The following MORN1 variants were observed in gnomAD, a reference collection of about 807,000 sequenced individuals.
MORN1 encodes the protein MORN repeat-containing protein 1.
MORN1 carries 67 observed loss-of-function variants against 61.9 expected under a neutral mutation model. The observed-to-expected ratio is 1.08, with a 90% confidence interval of 0.89 to 1.33. The LOEUF is 1.33. Ranked by LOEUF, MORN1 falls within the 40% of genes most tolerant of loss-of-function variation. MORN1 has a pLI of 0.00. For synonymous variants in MORN1, 301 were observed against 292.0 expected, an observed-to-expected ratio of 1.03 and a Z score of -0.31; for missense variants, 752 against 691.2, an observed-to-expected ratio of 1.09 and a Z score of -0.99.
At chr1:2,339,036 G>T (rs960904948) in intron 10 of MORN1, among the ~76,000 whole-genome samples, 1 of 152,166 alleles carries the variant, frequency 6.6e-6, no homozygotes, top group Non-Finnish European at 1.5e-5. Context: ...GGTTTGACAC[G>T]TGGGGTCCCC....
chr1:2,334,618 G>A lies in MORN1; in HGVS notation c.1250+1851C>T, dbSNP rs1641227217. Among the ~76,000 whole-genome samples, 1 of 152,192 alleles carries A rather than the reference G, an allele frequency of 6.6e-6. No homozygotes were observed. Among genetic ancestry groups the A allele is most frequent in the Admixed American group, 6.5e-5 (1 of 15,286 alleles). On this transcript the variant is annotated intron_variant, in intron 12 of 13. Transcript: ENST00000378531. This position sits in a 1 kb window ranked among gnomAD's most constrained non-coding sequence, Gnocchi z 5.4. ...GCCGTGGAGCCGGCAGGAGGCAGGG[G>A]AAGTGGCCGCTGGTCACAGATGTGT...
intron 10 of MORN1, among the ~76,000 whole-genome samples, chr1:2,342,791 G>A (rs1426136430): frequency 2.0e-5 from 3 of 151,824 alleles, no homozygotes; most frequent in Non-Finnish European, 4.4e-5. Context: ...ACCGAGAAGG[G>A]ACCTGGGCTG....
intron 13 of MORN1, chr1:2,323,313 CT>C: frequency 2.0e-6 from 2 of 985,430 alleles, no homozygotes; most frequent in Non-Finnish European, 2.4e-6. Flanking sequence ...CCAGAGGCAG[CT>C]CCACGGTGGC....
At position 2,387,405 on chromosome 1, in the gene MORN1, T is replaced by C; in HGVS notation, c.358+14A>G. ...GCCCACCCTCACAGCACCCGGCTCC[T>C]GTGGGCGCCAGACCTTCCCGCATGC... On this transcript the variant is annotated intron_variant, in intron 4 of 13. Coordinates refer to ENST00000378531, the MANE Select transcript of MORN1 (RefSeq NM_024848.3). The C allele has an allele frequency of 1.3e-6, 2 of 1,599,412 alleles. No individual in the cohort carries two copies. Among genetic ancestry groups the C allele is most frequent in the Non-Finnish European group, 1.7e-6 (2 of 1,168,174 alleles).
At chr1:2,342,558 G>A (rs1641417375) in intron 10 of MORN1, among the ~76,000 whole-genome samples, 1 of 152,192 alleles carries the variant, frequency 6.6e-6, no homozygotes. Flanking sequence ...GGAGAAGTCA[G>A]CGGGAACACG....
At chr1:2,343,061 A>T (rs1056626284) in intron 10 of MORN1, among the ~76,000 whole-genome samples, 6 of 151,858 alleles carry the variant, frequency 4.0e-5, no homozygotes, top group Non-Finnish European at 7.4e-5. Flanking sequence ...AGGCATAGAA[A>T]ATGCGCTTGA....
chr1:2,358,696 C>T lies in MORN1; in HGVS notation c.765G>A (p.Leu255=). Reference sequence around the variant, plus strand: ...CGTATCTGACGCCCGCTGAGATCTGCAGGACCCGGCCGCTCTCGCCTTCCA... The same window carrying T: ...CGTATCTGACGCCCGCTGAGATCTGTAGGACCCGGCCGCTCTCGCCTTCCA... ...EIAKSESGRV[L]QISAGVRYVQ... is the part of the protein sequence containing the mutation. The change falls in exon 9 of 14, where the codon CTG becomes CTA. Residue 255 remains leucine (L), a synonymous_variant. Transcript: ENST00000378531. 1 of 1,612,754 alleles carries T rather than the reference C, an allele frequency of 6.2e-7. No homozygotes were observed. The highest frequency in any genetic ancestry group is 8.5e-7 in the Non-Finnish European group (1 of 1,179,364).
At chr1:2,374,649 G>A in intron 6 of MORN1, 92 bp from the exon 7 acceptor site, 3 of 1,118,192 alleles carry the variant, frequency 2.7e-6, no homozygotes, top group Non-Finnish European at 3.9e-6. Flanking sequence ...TGCTACAGCA[G>A]GGCCCCAGGA....
intron 10 of MORN1, 138 bp from the exon 11 acceptor site, chr1:2,336,988 G>A (rs1557871267): frequency 9.6e-7 from 1 of 1,038,514 alleles, no homozygotes; most frequent in Non-Finnish European, 1.3e-6. Context: ...CTTGGTGGGG[G>A]CAGGTCAGGG....
chr1:2,324,166 C>G, intron 12 of MORN1, 23 bp from the exon 13 acceptor site: 2 of 1,586,312 alleles, frequency 1.3e-6, no homozygotes, highest in Non-Finnish European at 1.7e-6. Context: ...CACAGTGAGG[C>G]CCCTGAATGC....
At chr1:2,374,593 C>A in intron 6 of MORN1, 36 bp from the exon 7 acceptor site, 1 of 1,551,716 alleles carries the variant, frequency 6.4e-7, no homozygotes, top group Non-Finnish European at 8.7e-7. Context: ...GCTGGTGGCT[C>A]CCAAGGGGCT....
intron 8 of MORN1, chr1:2,371,168 C>G (rs1430818526): frequency 2.6e-5 from 4 of 152,194 alleles, no homozygotes; most frequent in East Asian, 1.9e-4. Context: ...GAGATCGTGC[C>G]ACCGCACTCC....
chr1:2,369,385 C>T (rs532115856), intron 8 of MORN1, among the ~76,000 whole-genome samples: 2 of 145,788 alleles, frequency 1.4e-5, no homozygotes, highest in African/African-American at 5.0e-5. Flanking sequence ...AGAAGACAGA[C>T]AATAGCAAGT....
At chr1:2,373,658 C>T (rs1005692361) in intron 7 of MORN1, among the ~76,000 whole-genome samples, 5 of 152,216 alleles carry the variant, frequency 3.3e-5, no homozygotes. Context: ...GGATCCCCTG[C>T]AGGGTGCACT....
At chr1:2,324,251 C>G (rs1261554147) in intron 12 of MORN1, 108 bp from the exon 13 acceptor site, 3 of 1,205,834 alleles carry the variant, frequency 2.5e-6, no homozygotes, top group Non-Finnish European at 2.3e-6. Context: ...TTCAGGGCCC[C>G]AGCACAGCAG....
chr1:2,346,719 A>AC (rs1052591570), intron 10 of MORN1, among the ~76,000 whole-genome samples: 5 of 151,972 alleles, frequency 3.3e-5, no homozygotes, highest in African/African-American at 1.2e-4. Flanking sequence ...ACAAAAAAGC[A>AC]CCCCCTTCTC....
Position 2,337,160 on chromosome 1 carries a change from C to G in MORN1, c.1037-310G>C, listed in dbSNP as rs370487027. Among the ~76,000 whole-genome samples the G allele has an allele frequency of 6.6e-6, 1 of 152,164 alleles. No homozygotes were observed. The highest frequency in any genetic ancestry group is 1.5e-5 in the Non-Finnish European group (1 of 68,020). ...GGAAGGGTCTCCCATCAGCAGCCCC[C>G]GTCAGCCGAGGCACTCGCTTCCAGG... On this transcript the variant is annotated intron_variant, in intron 10 of 13. Transcript: ENST00000378531. The surrounding 1 kb of genome is among the most constrained non-coding windows in gnomAD (Gnocchi z 5.7).
intron 6 of MORN1, among the ~76,000 whole-genome samples, chr1:2,383,857 G>A (rs1381791473): frequency 6.6e-6 from 1 of 152,140 alleles, no homozygotes; most frequent in Non-Finnish European, 1.5e-5. Context: ...TAACCGTGAA[G>A]CACCCCCACA....
chr1:2,389,663 G>A (rs1013955896), intron 2 of MORN1, among the ~76,000 whole-genome samples: 23 of 152,348 alleles, frequency 1.5e-4, no homozygotes, highest in African/African-American at 4.1e-4. Flanking sequence ...TTTTCAGTCT[G>A]GAAAAGACAA....
Sources: allele counts gnomAD v4.1 joint callset (sites outside exome capture counted in the v4.1 genomes callset), GRCh38; gene constraint gnomAD v4.1.1; non-coding constraint Gnocchi (gnomAD v3.1); transcripts MANE v1.5; gene names NCBI Gene and HGNC (gene_info 2026-07-23, HGNC 2026-07-21).